The following MCTP2 variants were observed in gnomAD, a reference collection of about 807,000 sequenced individuals.
MCTP2 encodes the protein multiple C2 and transmembrane domain-containing protein 2.
Under a neutral mutation model 111.6 loss-of-function variants are expected in MCTP2, and 132 were observed. The ratio of observed to expected loss-of-function variants is 1.18; its 90% CI spans 1.03 to 1.37. The LOEUF is 1.37. Among genes scored for constraint, MCTP2 ranks in the 40% most tolerant of loss-of-function variants. MCTP2 has a pLI of 0.00. For synonymous variants in MCTP2, 395 were observed against 387.7 expected (o/e 1.02, Z -0.22); for missense variants, 1,183 against 1,067.9 (o/e 1.11, Z -1.50).
At chr15:94,413,940 G>T (rs1441679501) in intron 17 of MCTP2, among the ~76,000 whole-genome samples, 1 of 152,000 alleles carries the variant, frequency 6.6e-6, no homozygotes, top group African/African-American at 2.4e-5. Flanking sequence ...TTCATTTATG[G>T]TTTTTTAAGT....
intron 10 of MCTP2, among the ~76,000 whole-genome samples, chr15:94,359,952 A>G (rs1012624960): frequency 6.6e-6 from 1 of 152,088 alleles, no homozygotes; most frequent in Non-Finnish European, 1.5e-5. Flanking sequence ...GTTGCATGGG[A>G]CTGTCTGGCA....
chr15:94,269,500 A>C (rs1567305700), intron 1 of MCTP2, among the ~76,000 whole-genome samples: 2 of 152,180 alleles, frequency 1.3e-5, no homozygotes, highest in Non-Finnish European at 2.9e-5. Context: ...TGCCTTATGA[A>C]GATTATTGAA....
At chr15:94,442,550 G>A (rs2083841323) in intron 18 of MCTP2, among the ~76,000 whole-genome samples, 1 of 152,212 alleles carries the variant, frequency 6.6e-6, no homozygotes, top group Non-Finnish European at 1.5e-5. Flanking sequence ...TTATAACAAT[G>A]AGCCCAGCAC....
intron 1 of MCTP2, among the ~76,000 whole-genome samples, chr15:94,266,406 T>A (rs1263256298): frequency 6.6e-6 from 1 of 152,256 alleles, no homozygotes; most frequent in East Asian, 1.9e-4. Flanking sequence ...GAACTCAGTC[T>A]GTTTTGTTCA....
At chr15:94,394,227 ACTTAT>A (rs979404165) in intron 14 of MCTP2, among the ~76,000 whole-genome samples, 14 of 139,586 alleles carry the variant, frequency 1.0e-4, no homozygotes, top group Non-Finnish European at 2.2e-4. Context: ...ACATTACTTA[ACTTAT>A]CTTATCTGTC....
At chr15:94,349,818 TGAA>T (rs948149159) in intron 8 of MCTP2, among the ~76,000 whole-genome samples, 3 of 133,024 alleles carry the variant, frequency 2.3e-5, no homozygotes, top group African/African-American at 8.8e-5. Flanking sequence ...GGACTCTGTC[TGAA>T]AAAAAAAAAA....
At chr15:94,269,555 C>G (rs943055123) in intron 1 of MCTP2, among the ~76,000 whole-genome samples, 2 of 152,184 alleles carry the variant, frequency 1.3e-5, no homozygotes, top group African/African-American at 2.4e-5. Flanking sequence ...TGTATAAGCT[C>G]TCTCGTGGAC....
In MCTP2 at chr15:94,384,106, G is replaced by T; in HGVS notation, c.1667G>T (p.Trp556Leu). The T allele has an allele frequency of 6.2e-7, 1 of 1,613,108 alleles. No homozygotes were observed. Among genetic ancestry groups the T allele is most frequent in the Non-Finnish European group, 8.5e-7 (1 of 1,179,386 alleles). ...GTCTACAAAAACCTCAACCCTGAAT[G>T]GAACAAAGTTTTTACATTGTAAGTG... ...HTVYKNLNPE[W>L]NKVFTFPIKD... The change falls in exon 13 of 23, where the codon TGG becomes TTG. Residue 556 changes from tryptophan (W) to leucine (L), a missense_variant. By Grantham distance (61) the Trp-to-Leu change is moderately conservative. Coordinates refer to ENST00000357742, the MANE Select transcript of MCTP2 (RefSeq NM_001385001.1).
chr15:94,435,511 A>G lies in MCTP2; in HGVS notation c.2086-4665A>G, dbSNP rs577345396. On this transcript the variant is annotated intron_variant, in intron 17 of 22. Transcript: ENST00000357742. ...ATTTCGATATTTTAATAATAACTTT[A>G]TACCATGGACTTTGCTGAATTTAGT... Among the ~76,000 whole-genome samples, 76 of 151,790 alleles carry G rather than the reference A, an allele frequency of 5.0e-4. No individual in the cohort carries two copies. The South Asian group carries it at 0.016, about 32-fold the overall frequency.
chr15:94,366,052 G>A (rs990234577), intron 10 of MCTP2, among the ~76,000 whole-genome samples: 5 of 152,068 alleles, frequency 3.3e-5, no homozygotes, highest in African/African-American at 1.2e-4. Flanking sequence ...AGAAATAAAT[G>A]GTTTAAGGCA....
At chr15:94,474,409 C>G (rs769996274) in intron 21 of MCTP2, among the ~76,000 whole-genome samples, 1 of 152,170 alleles carries the variant, frequency 6.6e-6, no homozygotes, top group Non-Finnish European at 1.5e-5. Flanking sequence ...CCAAGAAACT[C>G]TATAAGGAGG....
At chr15:94,306,754 T>C (rs2075898460) in intron 2 of MCTP2, among the ~76,000 whole-genome samples, 1 of 152,188 alleles carries the variant, frequency 6.6e-6, no homozygotes, top group Non-Finnish European at 1.5e-5. Context: ...GTTGGAGTTG[T>C]GAATAACTAG....
chr15:94,461,918 C>G (rs2085238007), intron 20 of MCTP2, among the ~76,000 whole-genome samples: 1 of 151,958 alleles, frequency 6.6e-6, no homozygotes, highest in Non-Finnish European at 1.5e-5. Context: ...AGTGACATGT[C>G]AAAAGGGACA....
intron 17 of MCTP2, among the ~76,000 whole-genome samples, chr15:94,436,554 T>G (rs964818417): frequency 2.0e-5 from 3 of 152,172 alleles, no homozygotes; most frequent in Non-Finnish European, 4.4e-5. Flanking sequence ...TAACTCAATT[T>G]TTGTTGTAAA....
At chr15:94,423,873 C>T (rs2082743829) in intron 17 of MCTP2, among the ~76,000 whole-genome samples, 1 of 152,134 alleles carries the variant, frequency 6.6e-6, no homozygotes, top group South Asian at 2.1e-4. Context: ...ACGATGTATG[C>T]ACACATATAT....
intron 4 of MCTP2, among the ~76,000 whole-genome samples, chr15:94,315,913 A>G (rs2076359120): frequency 1.3e-5 from 2 of 152,246 alleles, no homozygotes; most frequent in South Asian, 2.1e-4. Flanking sequence ...CGCCTGGCCT[A>G]TGGCAACTGT....
At chr15:94,243,288 T>C (rs2071216777) in intron 1 of MCTP2, among the ~76,000 whole-genome samples, 1 of 148,284 alleles carries the variant, frequency 6.7e-6, no homozygotes, top group African/African-American at 2.5e-5. Flanking sequence ...TACGTATGCG[T>C]ATATGCATAT....
Position 94,339,321 on chromosome 15 carries a change from G to A in MCTP2, c.669G>A (p.Leu223=), listed in dbSNP as rs2077518175. The part of the protein sequence containing the change: ...GTSDPYVKFK[L]NGKTLYKSKV... Reference sequence around the variant, plus strand: ...GTGATCCTTATGTGAAATTTAAGCTGAATGGGAAGACGCTGTACAAAAGTA... The same window carrying A: ...GTGATCCTTATGTGAAATTTAAGCTAAATGGGAAGACGCTGTACAAAAGTA... Residue 223 remains leucine, a synonymous_variant, in exon 5 of 23, where the codon CTG becomes CTA. Transcript: ENST00000357742. 1 of 1,609,228 alleles carries A rather than the reference G, an allele frequency of 6.2e-7. No homozygotes were observed. The highest frequency in any genetic ancestry group is 1.3e-5 in the African/African-American group (1 of 74,716).
At chr15:94,303,078 T>TATATATATATAGTTTATATATATAGTTC (rs2075707556) in intron 2 of MCTP2, among the ~76,000 whole-genome samples, 2 of 117,970 alleles carry the variant, frequency 1.7e-5, no homozygotes, top group African/African-American at 3.2e-5. Flanking sequence ...ATATATAGTT[T>TATATATATATAGTTTATATATATAGTTC]ATATATATAT....
Sources: allele counts gnomAD v4.1 joint callset (sites outside exome capture counted in the v4.1 genomes callset), GRCh38; gene constraint gnomAD v4.1.1; transcripts MANE v1.5; gene names NCBI Gene and HGNC (gene_info 2026-07-23, HGNC 2026-07-21).